Variants in SGK3 observed in about 807,000 individuals in gnomAD.
SGK3 encodes serum/glucocorticoid regulated kinase family member 3, also known as serine/threonine-protein kinase Sgk3.
A neutral mutation model predicts 68.5 loss-of-function variants in SGK3; 47 were observed. The ratio of observed to expected loss-of-function variants is 0.69; its 90% CI spans 0.54 to 0.87. The LOEUF (loss-of-function observed/expected upper bound fraction) is 0.87. SGK3 is among the 40% of genes least tolerant of loss of function. The probability of loss-of-function intolerance (pLI) is 0.00; values close to 1 mark genes in which losing one functional copy is unlikely to be tolerated. For missense variants in SGK3, 479 were observed against 575.5 expected, an observed-to-expected ratio of 0.83 and a Z score of 1.72; for synonymous variants, 181 against 189.1, an observed-to-expected ratio of 0.96 and a Z score of 0.35.
chr8:66,825,365 G>A (rs998916022), intron 6 of SGK3, among the ~76,000 whole-genome samples: 4 of 136,882 alleles, frequency 2.9e-5, no homozygotes, highest in Admixed American at 8.0e-5. Flanking sequence ...GTCTCGCTCC[G>A]TCGCCCAGGC....
chr8:66,729,222 C>T (rs1350301400), intron 1 of SGK3, among the ~76,000 whole-genome samples: 18 of 138,944 alleles, frequency 1.3e-4, no homozygotes, highest in East Asian at 4.4e-4. Context: ...TTTGGGAGGC[C>T]GAGGCAGGCG....
chr8:66,813,740 A>T (rs1585754969), intron 4 of SGK3, 113 bp from the exon 5 acceptor site: 4 of 815,138 alleles, frequency 4.9e-6, no homozygotes, highest in East Asian at 6.8e-5. Flanking sequence ...CATGAATTTA[A>T]AAATAGCTTC....
chr8:66,817,427 C>G (rs996425464), intron 5 of SGK3, among the ~76,000 whole-genome samples: 6 of 149,288 alleles, frequency 4.0e-5, no homozygotes, highest in African/African-American at 1.2e-4. Context: ...GAGACTCCAT[C>G]TCAAAAAAAA....
chr8:66,803,569 A>G (rs551941087), intron 3 of SGK3, among the ~76,000 whole-genome samples: 2 of 152,106 alleles, frequency 1.3e-5, no homozygotes, highest in Non-Finnish European at 2.9e-5. Flanking sequence ...ACTCATTTTT[A>G]TGACTTAACT....
chr8:66,844,104 C>T (rs1416378330), intron 14 of SGK3, among the ~76,000 whole-genome samples: 1 of 151,650 alleles, frequency 6.6e-6, no homozygotes, highest in East Asian at 1.9e-4. Flanking sequence ...TTCTTACCCC[C>T]TTGGCATTTT....
chr8:66,803,507 G>A (rs1808034401), intron 3 of SGK3, among the ~76,000 whole-genome samples: 1 of 129,650 alleles, frequency 7.7e-6, no homozygotes. Context: ...CTAAGATACA[G>A]TTTTTACATG....
intron 3 of SGK3, among the ~76,000 whole-genome samples, chr8:66,802,832 A>T (rs1044497696): frequency 6.6e-6 from 1 of 152,102 alleles, no homozygotes; most frequent in Admixed American, 6.6e-5. Flanking sequence ...AGAAAATAAC[A>T]TTATGTTACC....
chr8:66,716,076 C>T (rs1804622530), intron 1 of SGK3, among the ~76,000 whole-genome samples: 1 of 152,066 alleles, frequency 6.6e-6, no homozygotes, highest in Non-Finnish European at 1.5e-5. Context: ...TGAAACTCAA[C>T]TTATGTAACA....
intron 1 of SGK3, among the ~76,000 whole-genome samples, chr8:66,757,480 G>C (rs1301606701): frequency 6.6e-6 from 1 of 151,780 alleles, no homozygotes; most frequent in Non-Finnish European, 1.5e-5. Context: ...GGTTGTATGG[G>C]CCAGTGTTTC....
In SGK3 at chr8:66,852,778, T is replaced by G. The variant is rs182197166; in HGVS notation, c.1320+1858T>G. Among the ~76,000 whole-genome samples the G allele has an allele frequency of 5.3e-5, 8 of 152,326 alleles. No homozygotes were observed. In the East Asian group the frequency reaches 1.5e-3, roughly 29 times the overall value. ...GTAGTGCATCCAGGAATGACTCCAT[T>G]AGGAATAATTTCGGTCCCAAATTTC... On this transcript the variant is annotated intron_variant, in intron 16 of 16. Coordinates refer to ENST00000521198, the MANE Select transcript of SGK3 (RefSeq NM_001033578.3).
At chr8:66,840,279 C>G in intron 12 of SGK3, 32 bp downstream of exon 12, 1 of 1,540,030 alleles carries the variant, frequency 6.5e-7, no homozygotes, top group Non-Finnish European at 8.7e-7. Flanking sequence ...TCTACTAGTT[C>G]TCAATTTTTG....
chr8:66,804,243 G>T, intron 3 of SGK3, 132 bp from the exon 4 acceptor site: 2 of 722,222 alleles, frequency 2.8e-6, no homozygotes, highest in East Asian at 3.0e-5. Context: ...GTTATACTTT[G>T]GATGATCATA....
intron 1 of SGK3, 125 bp downstream of exon 1, chr8:66,712,958 G>A (rs1284374672): frequency 6.6e-6 from 1 of 152,186 alleles, no homozygotes; most frequent in East Asian, 1.9e-4. Flanking sequence ...GGAAAAAGCC[G>A]TACCTCCGCC....
chr8:66,768,476 G>T (rs1585688782), intron 1 of SGK3, among the ~76,000 whole-genome samples: 2 of 150,506 alleles, frequency 1.3e-5, no homozygotes, highest in Admixed American at 1.3e-4. Flanking sequence ...CTTTGATTTT[G>T]AAGGATATTT....
chr8:66,718,912 C>T (rs1040799336), intron 1 of SGK3, among the ~76,000 whole-genome samples: 2 of 151,810 alleles, frequency 1.3e-5, no homozygotes, highest in African/African-American at 2.4e-5. Flanking sequence ...GCATCTTTCC[C>T]CCCCGTTTTA....
At chr8:66,836,223 G>A in intron 10 of SGK3, 149 bp downstream of exon 10, 1 of 1,096,450 alleles carries the variant, frequency 9.1e-7, no homozygotes, top group Non-Finnish European at 1.3e-6. Flanking sequence ...ACAGGATGTG[G>A]AGAATTGTAA....
rs374703407 is a variant in SGK3, at chr8:66,847,176, CTT to C, written c.1075-6_1075-5del. Reference sequence around the variant, plus strand: ...TTTGTTTACCACTAAGTTTATTTTGCTTTTTTTTTTTTCCAGCCTCCTTTTTA... The same window carrying C: ...TTTGTTTACCACTAAGTTTATTTTGCTTTTTTTTTTCCAGCCTCCTTTTTA... On this transcript the variant is annotated splice_polypyrimidine_tract_variant and intron_variant, in intron 14 of 16. Coordinates refer to ENST00000521198, the MANE Select transcript of SGK3 (RefSeq NM_001033578.3). 229 of 1,240,144 alleles carry C rather than the reference CTT, an allele frequency of 1.8e-4. No homozygotes were observed. Among genetic ancestry groups the C allele is most frequent in the Admixed American group, 3.0e-4 (13 of 43,348 alleles). 76.8% of individuals were successfully genotyped at this position (1,240,144 alleles called of 1,614,324 possible).
intron 3 of SGK3, among the ~76,000 whole-genome samples, chr8:66,803,327 T>TTTTG (rs1459948777): frequency 6.6e-6 from 1 of 152,080 alleles, no homozygotes; most frequent in Admixed American, 6.6e-5. Flanking sequence ...TTTTGGGTGT[T>TTTTG]TTTGTTTGTT....
intron 1 of SGK3, among the ~76,000 whole-genome samples, chr8:66,734,720 G>A (rs1452669602): frequency 6.6e-6 from 1 of 152,092 alleles, no homozygotes; most frequent in Non-Finnish European, 1.5e-5. Context: ...GCTGAGGTGG[G>A]CAGATCACTT....
Sources: allele counts gnomAD v4.1 joint callset (sites outside exome capture counted in the v4.1 genomes callset), GRCh38; gene constraint gnomAD v4.1.1; transcripts MANE v1.5; gene names NCBI Gene and HGNC (gene_info 2026-07-23, HGNC 2026-07-21).